The following CARS1 variants were observed in gnomAD, a reference collection of about 807,000 sequenced individuals.
The protein encoded by CARS1 is cysteinyl-tRNA synthetase 1.
CARS1 carries 48 observed loss-of-function variants against 106.2 expected under a neutral mutation model. The observed-to-expected ratio is 0.45, with a 90% CI of 0.36 to 0.57. CARS1 has a LOEUF of 0.57. Among genes scored for constraint, CARS1 ranks in the 20% least tolerant of loss-of-function variants. The pLI, the probability that CARS1 is intolerant of heterozygous loss-of-function variation, is 0.00. For missense variants in CARS1, 968 were observed against 1,057.2 expected (o/e 0.92, Z 1.17); for synonymous variants, 409 against 403.4 (o/e 1.01, Z -0.17).
rs1362786441 is a variant in CARS1, at chr11:3,030,037, G to C, written c.802-594C>G. Reference sequence around the variant, plus strand: ...CCAGGTCCTGACCACACACACTCTAGGCATGAGACACGCCCCAACTGCACT... The same window carrying C: ...CCAGGTCCTGACCACACACACTCTACGCATGAGACACGCCCCAACTGCACT... On this transcript the variant is annotated intron_variant, in intron 7 of 22. Coordinates refer to ENST00000380525, the MANE Select transcript of CARS1 (RefSeq NM_001014437.3). The surrounding 1 kb of genome is among the most constrained non-coding windows in gnomAD (Gnocchi z 5.7). The C allele has an allele frequency of 2.6e-5, 4 of 152,746 alleles. No homozygotes were observed. The East Asian group carries it at 7.8e-4, about 30-fold the overall frequency. 9.5% of individuals were successfully genotyped at this position (152,746 alleles called of 1,614,324 possible). A position where few individuals can be genotyped will look rare whatever the true frequency, so the allele number is the denominator to read the frequency against.
chr11:3,038,221 A>G lies in CARS1; in HGVS notation c.652-22T>C, dbSNP rs755962749. The G allele has an allele frequency of 6.2e-7, 1 of 1,610,400 alleles. No individual in the cohort carries two copies. Among genetic ancestry groups the G allele is most frequent in the Non-Finnish European group, 8.5e-7 (1 of 1,176,878 alleles). On this transcript the variant is annotated intron_variant, in intron 6 of 22. Transcript: ENST00000380525. The surrounding 1 kb of genome is among the most constrained non-coding windows in gnomAD (Gnocchi z 4.0). ...ATGGCTGCAACCATAAAGAGACGTC[A>G]AATCTATTAGATACTGCTCAGCAAA...
chr11:3,044,417 CTT>C lies in CARS1; in HGVS notation c.275-2163_275-2162del, dbSNP rs548042692. Among the ~76,000 whole-genome samples the C allele has an allele frequency of 4.1e-5, 6 of 146,750 alleles. No individual in the cohort carries two copies. Among genetic ancestry groups the C allele is most frequent in the African/African-American group, 5.0e-5 (2 of 40,256 alleles). On this transcript the variant is annotated intron_variant, in intron 2 of 22. Coordinates refer to ENST00000380525, the MANE Select transcript of CARS1 (RefSeq NM_001014437.3). This position sits in a 1 kb window ranked among gnomAD's most constrained non-coding sequence, Gnocchi z 4.4. The stretch of plus-strand genomic sequence containing the variant: ...ATATCACATAAGGACCCTTGCCCCC[CTT>C]TTTTTTTTTTAGATAAAATCTGGCT...
chr11:3,019,213 C>G lies in CARS1; in HGVS notation c.1321G>C (p.Ala441Pro). Residue 441 changes from alanine to proline, a missense_variant, in exon 12 of 23, where the codon GCT becomes CCT. Transcript: ENST00000380525. This position sits in a 1 kb window ranked among gnomAD's most constrained non-coding sequence, Gnocchi z 6.2. ...CCACCTCCGTGAATGTCCATCGAAG[C>G]CCCTAGGAGGGTGCCTGCCATGGCC... ...CSAMAGTLLG[A>P]SMDIHGGGFD... 6.6e-7 allele frequency: 1 copy of G among 1,511,804 alleles called. No homozygotes were observed. Among genetic ancestry groups the G allele is most frequent in the South Asian group, 1.3e-5 (1 of 75,588 alleles). The allele number at this position is 1,511,804 out of a possible 1,614,324, so 93.6% of individuals were successfully genotyped here. A position where few individuals can be genotyped will look rare whatever the true frequency, so the allele number is the denominator to read the frequency against.
At chr11:3,032,044 C>T (rs189539505) in intron 7 of CARS1, among the ~76,000 whole-genome samples, 7 of 18,198 alleles carry the variant, frequency 3.8e-4, no homozygotes, top group South Asian at 4.0e-3. Flanking sequence ...CCCTCCCTCC[C>T]TCCCTCCCTC....
At position 3,005,447 on chromosome 11, in the gene CARS1, T is replaced by C. The variant is rs754515717; in HGVS notation, c.2150-14A>G. 6.2e-7 allele frequency: 1 copy of C among 1,610,666 alleles called. No individual in the cohort carries two copies. The highest frequency in any genetic ancestry group is 8.5e-7 in the Non-Finnish European group (1 of 1,177,020). ...CTGTGGGCAGTCCTGCAAAATAAAC[T>C]GCGTGTGAGAAGAGTCTGGGCTCTG... On this transcript the variant is annotated splice_polypyrimidine_tract_variant and intron_variant, in intron 19 of 22. Transcript: ENST00000380525.
In CARS1 at chr11:3,021,199, G is replaced by A. The variant is rs1851540444; in HGVS notation, c.1154-867C>T. Among the ~76,000 whole-genome samples the A allele has an allele frequency of 6.6e-6, 1 of 152,226 alleles. No individual in the cohort carries two copies. The highest frequency in any genetic ancestry group is 1.5e-5 in the Non-Finnish European group (1 of 68,036). Reference sequence around the variant, plus strand: ...CATGCAGGACCAATGGAAAAGATTAGCTGCTGTGAATAAAGAAACCTGTGA... The same window carrying A: ...CATGCAGGACCAATGGAAAAGATTAACTGCTGTGAATAAAGAAACCTGTGA... On this transcript the variant is annotated intron_variant, in intron 10 of 22. Coordinates refer to ENST00000380525, the MANE Select transcript of CARS1 (RefSeq NM_001014437.3). This position sits in a 1 kb window ranked among gnomAD's most constrained non-coding sequence, Gnocchi z 5.3.
In CARS1 at chr11:3,029,573, T is replaced by C. The variant is rs576639714; in HGVS notation, c.802-130A>G. The C allele has an allele frequency of 4.2e-5, 38 of 906,544 alleles. No individual in the cohort carries two copies. In the East Asian group the frequency reaches 9.6e-4, roughly 23 times the overall value. The allele number at this position is 906,544 out of a possible 1,614,324, so 56.2% of individuals were successfully genotyped here. A position where few individuals can be genotyped will look rare whatever the true frequency, so the allele number is the denominator to read the frequency against. On this transcript the variant is annotated intron_variant, in intron 7 of 22. Coordinates refer to ENST00000380525, the MANE Select transcript of CARS1 (RefSeq NM_001014437.3). This position sits in a 1 kb window ranked among gnomAD's most constrained non-coding sequence, Gnocchi z 5.9. ...GACCTTGACCTGTGAAGAGCCACCGTCTCCTAGGGAGACTGTGATGCTTAC... is the reference window on the plus strand; with the variant it reads ...GACCTTGACCTGTGAAGAGCCACCGCCTCCTAGGGAGACTGTGATGCTTAC...
chr11:3,017,213 A>C lies in CARS1; in HGVS notation c.1810T>G (p.Leu604Val), dbSNP rs763807333. ...ATATAGAGGTTGCACTGACTGACCA[A>C]GGCCCGCATCTCTTCCATGACGGTG... is the stretch of plus-strand genomic sequence containing the variant. ...TRTVMEEMRA[L>V]VSQCNLYMAA... The change falls in exon 16 of 23, where the codon TTG (leucine) becomes GTG (valine). Residue 604 changes from leucine (L) to valine (V), a missense_variant. Leu to Val is a conservative substitution (Grantham distance 32, BLOSUM62 1). Coordinates refer to ENST00000380525, the MANE Select transcript of CARS1 (RefSeq NM_001014437.3). This position sits in a 1 kb window ranked among gnomAD's most constrained non-coding sequence, Gnocchi z 4.9. 2 of 1,614,074 alleles carry C rather than the reference A, an allele frequency of 1.2e-6. No individual in the cohort carries two copies. The highest frequency in any genetic ancestry group is 4.5e-5 in the East Asian group (2 of 44,890).
chr11:3,036,218 T>C (rs1853607109), intron 7 of CARS1, among the ~76,000 whole-genome samples: 1 of 152,256 alleles, frequency 6.6e-6, no homozygotes, highest in Non-Finnish European at 1.5e-5. Context: ...CTCCTCGCTG[T>C]GTCACTGCTA....
chr11:3,047,276 CAAAAAA>C (rs59525343), intron 2 of CARS1, among the ~76,000 whole-genome samples: 1 of 84,514 alleles, frequency 1.2e-5, no homozygotes, highest in Admixed American at 1.2e-4. Flanking sequence ...GACTCCATCT[CAAAAAA>C]AAAAAAAAAA....
In CARS1 at chr11:3,053,838, C is replaced by G. The variant is rs963618023; in HGVS notation, c.25+3505G>C. On this transcript the variant is annotated intron_variant, in intron 1 of 22. Coordinates refer to ENST00000380525, the MANE Select transcript of CARS1 (RefSeq NM_001014437.3). The surrounding 1 kb of genome is among the most constrained non-coding windows in gnomAD (Gnocchi z 6.6). ...TTGGTGGGGGTCTGCACCCCTCACT[C>G]ACCCTGACCCTTTGCCCTCTGACCC... 3.5e-4 allele frequency among the ~76,000 whole-genome samples: 54 copies of G among 152,192 alleles called. No homozygotes were observed. The highest frequency in any genetic ancestry group is 1.3e-3 in the African/African-American group (53 of 41,440).
chr11:3,017,183 C>T lies in CARS1; in HGVS notation c.1840G>A (p.Ala614Thr), dbSNP rs1172788577. The change falls in exon 16 of 23, where the codon GCC (alanine) becomes ACC (threonine). Residue 614 changes from alanine (A) to threonine (T), a missense_variant. Physicochemically the swap from Ala to Thr is moderately conservative, Grantham distance 58 (BLOSUM62 0). Transcript: ENST00000380525. This position sits in a 1 kb window ranked among gnomAD's most constrained non-coding sequence, Gnocchi z 4.9. The stretch of plus-strand genomic sequence containing the variant: ...GGCCTCTTCCTCACGGCTTTCCGGG[C>T]TGCCATATAGAGGTTGCACTGACTG... ...LVSQCNLYMAARKAVRKRPNQ... is the reference protein window; with the variant it reads ...LVSQCNLYMATRKAVRKRPNQ... 1.2e-6 allele frequency: 2 copies of T among 1,614,072 alleles called. No individual in the cohort carries two copies. The highest frequency in any genetic ancestry group is 1.3e-5 in the African/African-American group (1 of 74,930).
chr11:3,017,495 T>G lies in CARS1; in HGVS notation c.1728-200A>C. 1 of 576,704 alleles carries G rather than the reference T, an allele frequency of 1.7e-6. No homozygotes were observed. The highest frequency in any genetic ancestry group is 3.1e-6 in the Non-Finnish European group (1 of 324,138). 35.7% of individuals were successfully genotyped at this position (576,704 alleles called of 1,614,324 possible). A position where few individuals can be genotyped will look rare whatever the true frequency, so the allele number is the denominator to read the frequency against. ...CCCACCTCTACTAAAAATCTGAAAT[T>G]AGCCAGGTATGGTGGCGCATGCCTG... On this transcript the variant is annotated intron_variant, in intron 15 of 22. Transcript: ENST00000380525. This position sits in a 1 kb window ranked among gnomAD's most constrained non-coding sequence, Gnocchi z 4.9.
intron 19 of CARS1, among the ~76,000 whole-genome samples, 185 bp from the exon 20 acceptor site, chr11:3,005,618 TTGTG>T (rs1200834809): frequency 2.0e-5 from 3 of 148,084 alleles, no homozygotes; most frequent in Non-Finnish European, 3.0e-5. Context: ...ACATTTTGGT[TTGTG>T]TGTGTGTGAT....
rs1265904035 is a variant in CARS1, at chr11:3,029,737, T to C, written c.802-294A>G. 1.1e-5 allele frequency: 5 copies of C among 442,934 alleles called. No homozygotes were observed. Among genetic ancestry groups the C allele is most frequent in the Non-Finnish European group, 1.2e-5 (3 of 246,570 alleles). The allele number at this position is 442,934 out of a possible 1,614,324, so 27.4% of individuals were successfully genotyped here. A position where few individuals can be genotyped will look rare whatever the true frequency, so the allele number is the denominator to read the frequency against. On this transcript the variant is annotated intron_variant, in intron 7 of 22. Transcript: ENST00000380525. This position sits in a 1 kb window ranked among gnomAD's most constrained non-coding sequence, Gnocchi z 5.9. ...GGCCGAGGTGGGCCTGGTGAGCATGTGCAGCCTACCTGGGCCGTGCAGGGC... is the reference window on the plus strand; with the variant it reads ...GGCCGAGGTGGGCCTGGTGAGCATGCGCAGCCTACCTGGGCCGTGCAGGGC...
At chr11:3,009,730 G>T (rs577323624) in intron 18 of CARS1, among the ~76,000 whole-genome samples, 5 of 152,174 alleles carry the variant, frequency 3.3e-5, no homozygotes, top group African/African-American at 9.7e-5. Flanking sequence ...CTGGACCATG[G>T]GGGTATTTCC....
chr11:3,029,494 G>A lies in CARS1; in HGVS notation c.802-51C>T. Reference sequence around the variant, plus strand: ...GCAGCGGGCCACACACTTCACATGAGAACATCTCGTGCAGCTGGTGTGAGC... The same window carrying A: ...GCAGCGGGCCACACACTTCACATGAAAACATCTCGTGCAGCTGGTGTGAGC... On this transcript the variant is annotated intron_variant, in intron 7 of 22. Transcript: ENST00000380525. The surrounding 1 kb of genome is among the most constrained non-coding windows in gnomAD (Gnocchi z 5.9). 6.3e-7 allele frequency: 1 copy of A among 1,597,282 alleles called. No individual in the cohort carries two copies. Among genetic ancestry groups the A allele is most frequent in the Non-Finnish European group, 8.5e-7 (1 of 1,172,084 alleles).
chr11:3,005,537 C>T (rs1590316790), intron 19 of CARS1, 104 bp from the exon 20 acceptor site: 2 of 808,806 alleles, frequency 2.5e-6, no homozygotes, highest in East Asian at 2.6e-5. Context: ...TGCGGTGCTG[C>T]CCAGTCAGAG....
Position 3,000,987 on chromosome 11 carries a change from A to C in CARS1, c.*127T>G. The C allele has an allele frequency of 9.2e-7, 1 of 1,084,532 alleles. No homozygotes were observed. The highest frequency in any genetic ancestry group is 1.3e-6 in the Non-Finnish European group (1 of 742,180). The allele number at this position is 1,084,532 out of a possible 1,614,324, so 67.2% of individuals were successfully genotyped here. A position where few individuals can be genotyped will look rare whatever the true frequency, so the allele number is the denominator to read the frequency against. Reference sequence around the variant, plus strand: ...AGAGCCAACGACGACACGAACCTACATGAACACAACTCTTAATTTAGGACC... The same window carrying C: ...AGAGCCAACGACGACACGAACCTACCTGAACACAACTCTTAATTTAGGACC... On this transcript the variant is annotated 3_prime_UTR_variant, in exon 23 of 23. Transcript: ENST00000380525. This position sits in a 1 kb window ranked among gnomAD's most constrained non-coding sequence, Gnocchi z 7.1.
Sources: gnomAD v4.1 joint callset for allele counts (sites outside exome capture counted in the v4.1 genomes callset) on GRCh38, gnomAD v4.1.1 for gene constraint, Gnocchi (gnomAD v3.1) non-coding constraint, MANE v1.5 for transcripts, NCBI Gene and HGNC (gene_info 2026-07-23, HGNC 2026-07-21) for gene names.